ADAMTS18: variants seen among roughly 807,000 people sequenced by gnomAD.
ADAMTS18 encodes the protein A disintegrin and metalloproteinase with thrombospondin motifs 18.
In ADAMTS18, 157 loss-of-function variants were observed where a neutral mutation model predicts 165.9. The observed-to-expected ratio is 0.95, with a 90% CI of 0.83 to 1.08. The LOEUF is 1.08. Ranked by LOEUF, ADAMTS18 falls within the 50% of genes least tolerant of loss-of-function variation. The pLI is 0.00. For synonymous variants in ADAMTS18, 782 were observed against 578.2 expected, an observed-to-expected ratio of 1.35 and a Z score of -5.06; for missense variants, 2,040 against 1,534.0, an observed-to-expected ratio of 1.33 and a Z score of -5.51.
intron 3 of ADAMTS18, among the ~76,000 whole-genome samples, chr16:77,429,763 A>C (rs560304230): frequency 4.1e-4 from 62 of 152,320 alleles, no homozygotes; most frequent in South Asian, 6.2e-4. Context: ...AAACATGAGG[A>C]GGCTAAATTT....
At chr16:77,380,986 T>C (rs907489635) in intron 3 of ADAMTS18, among the ~76,000 whole-genome samples, 1 of 152,152 alleles carries the variant, frequency 6.6e-6, no homozygotes, top group African/African-American at 2.4e-5. Context: ...CAACCCTCCC[T>C]GCCTCCGCCT....
intron 19 of ADAMTS18, among the ~76,000 whole-genome samples, chr16:77,293,957 C>T (rs531471939): frequency 8.6e-5 from 13 of 151,860 alleles, no homozygotes; most frequent in Non-Finnish European, 1.8e-4. Flanking sequence ...GACCCTTGTG[C>T]TAACAGATAT....
At chr16:77,301,517 G>A (rs1425184954) in intron 16 of ADAMTS18, among the ~76,000 whole-genome samples, 1 of 152,150 alleles carries the variant, frequency 6.6e-6, no homozygotes, top group African/African-American at 2.4e-5. Flanking sequence ...CCCACTCCAT[G>A]AATCTTGTGG....
At chr16:77,377,981 G>A (rs1037441167) in intron 3 of ADAMTS18, among the ~76,000 whole-genome samples, 1 of 152,178 alleles carries the variant, frequency 6.6e-6, no homozygotes, top group Non-Finnish European at 1.5e-5. Context: ...TAAAGAAAAT[G>A]CTGAGAAAGT....
chr16:77,386,902 A>C (rs2057115504), intron 3 of ADAMTS18, among the ~76,000 whole-genome samples: 2 of 152,178 alleles, frequency 1.3e-5, no homozygotes, highest in Non-Finnish European at 2.9e-5. Flanking sequence ...GAGTCTGCAA[A>C]TTCTTGGTGC....
At chr16:77,307,560 A>G (rs2055703761) in intron 16 of ADAMTS18, among the ~76,000 whole-genome samples, 1 of 152,200 alleles carries the variant, frequency 6.6e-6, no homozygotes, top group African/African-American at 2.4e-5. Context: ...ACCCGTCACA[A>G]AAGTATTTGC....
At chr16:77,373,431 C>T (rs933496843) in intron 3 of ADAMTS18, among the ~76,000 whole-genome samples, 4 of 150,424 alleles carry the variant, frequency 2.7e-5, no homozygotes, top group African/African-American at 9.8e-5. Flanking sequence ...TGCACTCCAG[C>T]CTGGGCGGCA....
chr16:77,403,744 C>A (rs1283161879), intron 3 of ADAMTS18, among the ~76,000 whole-genome samples: 1 of 152,142 alleles, frequency 6.6e-6, no homozygotes, highest in Non-Finnish European at 1.5e-5. Flanking sequence ...ATCAGAGATG[C>A]TGGGAAAAAT....
At chr16:77,374,734 A>C (rs2056924699) in intron 3 of ADAMTS18, among the ~76,000 whole-genome samples, 2 of 152,166 alleles carry the variant, frequency 1.3e-5, no homozygotes, top group South Asian at 4.1e-4. Flanking sequence ...TGCATAGAGA[A>C]AACTTCCACA....
chr16:77,357,095 T>G (rs1394208898), intron 8 of ADAMTS18, among the ~76,000 whole-genome samples: 1 of 140,320 alleles, frequency 7.1e-6, no homozygotes, highest in African/African-American at 2.6e-5. Flanking sequence ...AGAATAAAAC[T>G]TGTGTCTTAG....
chr16:77,327,991 G>A (rs1173907904), intron 12 of ADAMTS18, among the ~76,000 whole-genome samples: 2 of 152,102 alleles, frequency 1.3e-5, no homozygotes, highest in Non-Finnish European at 2.9e-5. Flanking sequence ...AAACCAGAGG[G>A]AAAACATTCT....
chr16:77,320,139 G>A (rs1168600536), intron 15 of ADAMTS18, 46 bp from the exon 16 acceptor site: 1 of 1,611,984 alleles, frequency 6.2e-7, no homozygotes, highest in Non-Finnish European at 8.5e-7. Flanking sequence ...CCCATGCATT[G>A]GAGAAAAGGG....
chr16:77,386,857 T>A (rs150433119), intron 3 of ADAMTS18, among the ~76,000 whole-genome samples: 2 of 152,286 alleles, frequency 1.3e-5, no homozygotes, highest in Admixed American at 6.5e-5. Context: ...AAAGTTGGAA[T>A]AGAAGCATAG....
intron 3 of ADAMTS18, among the ~76,000 whole-genome samples, chr16:77,391,033 A>C (rs2057179366): frequency 6.6e-6 from 1 of 152,184 alleles, no homozygotes; most frequent in Admixed American, 6.5e-5. Context: ...TCAATTGTGC[A>C]TGACTCCTTT....
chr16:77,302,441 A>G (rs2055602407), intron 16 of ADAMTS18, among the ~76,000 whole-genome samples: 1 of 152,208 alleles, frequency 6.6e-6, no homozygotes, highest in South Asian at 2.1e-4. Context: ...GCAATGCATA[A>G]GAGTTACAGT....
chr16:77,357,968 A>G (rs1174042276), intron 8 of ADAMTS18, among the ~76,000 whole-genome samples: 1 of 152,120 alleles, frequency 6.6e-6, no homozygotes, highest in Non-Finnish European at 1.5e-5. Context: ...AGATAATGAA[A>G]TTTTTCAATG....
chr16:77,322,537 G>T, intron 13 of ADAMTS18, 71 bp from the exon 14 acceptor site: 1 of 1,558,626 alleles, frequency 6.4e-7, no homozygotes, highest in Middle Eastern at 1.7e-4. Flanking sequence ...ATTGTCAAAA[G>T]AATGAATTAA....
intron 3 of ADAMTS18, among the ~76,000 whole-genome samples, chr16:77,403,680 G>A (rs16945637): frequency 0.098 from 14,891 of 152,190 alleles, 785 homozygotes; most frequent in South Asian, 0.13. Context: ...CTATCTGTTA[G>A]GGGAGACTGA....
chr16:77,368,010 G>T (rs2056823889), intron 3 of ADAMTS18, among the ~76,000 whole-genome samples: 3 of 152,118 alleles, frequency 2.0e-5, no homozygotes, highest in Admixed American at 2.0e-4. Flanking sequence ...TGGAGTAGCT[G>T]AGACTACAGG....
Sources: allele counts gnomAD v4.1 joint callset (sites outside exome capture counted in the v4.1 genomes callset), GRCh38; gene constraint gnomAD v4.1.1; transcripts MANE v1.5; gene names NCBI Gene and HGNC (gene_info 2026-07-23, HGNC 2026-07-21).